SLC13A1: variants seen among roughly 807,000 people sequenced by gnomAD.
The protein encoded by SLC13A1 is Na(+)/sulfate cotransporter.
A neutral mutation model predicts 70.0 loss-of-function variants in SLC13A1; 65 were observed. The observed-to-expected ratio is 0.93, with a 90% CI of 0.76 to 1.14. SLC13A1 has a LOEUF of 1.14. SLC13A1 is among the 50% of genes most tolerant of loss of function. The pLI is 0.00. For synonymous variants in SLC13A1, 275 were observed against 250.5 expected (o/e 1.10, Z -0.92); for missense variants, 726 against 717.8 (o/e 1.01, Z -0.13).
chr7:123,136,930 T>C (rs1236193567), intron 7 of SLC13A1, among the ~76,000 whole-genome samples: 2 of 152,032 alleles, frequency 1.3e-5, no homozygotes, highest in African/African-American at 4.8e-5. Context: ...TAGGAATGAG[T>C]TTGTCACATT....
At chr7:123,134,267 T>C (rs545478496) in intron 8 of SLC13A1, 143 bp downstream of exon 8, 1 of 616,114 alleles carries the variant, frequency 1.6e-6, no homozygotes, top group African/African-American at 1.9e-5. Flanking sequence ...TTAAAATACG[T>C]ATTTGTGTGT....
In SLC13A1 at chr7:123,184,962, A is replaced by G. The variant is rs576619037; in HGVS notation, c.100-3861T>C. On this transcript the variant is annotated intron_variant, in intron 1 of 14. Transcript: ENST00000194130. ...AAACAGTGTTCACATCCTGGCCAACACTTGTTATAATAGCCATTCTAACAA... is the reference window on the plus strand; with the variant it reads ...AAACAGTGTTCACATCCTGGCCAACGCTTGTTATAATAGCCATTCTAACAA... Among the ~76,000 whole-genome samples the G allele has an allele frequency of 7.2e-5, 11 of 152,084 alleles. No homozygotes were observed. The South Asian group carries it at 2.1e-3, about 29-fold the overall frequency.
chr7:123,123,347 T>C (rs1793451058), intron 11 of SLC13A1, 112 bp from the exon 12 acceptor site: 1 of 661,598 alleles, frequency 1.5e-6, no homozygotes, highest in Admixed American at 2.2e-5. Flanking sequence ...TCCTATATTG[T>C]TTTTAAAGAG....
intron 1 of SLC13A1, among the ~76,000 whole-genome samples, chr7:123,197,511 A>C (rs567246347): frequency 7.2e-5 from 11 of 152,280 alleles, no homozygotes; most frequent in Admixed American, 1.3e-4. Flanking sequence ...TCTTTAAAAA[A>C]ATAATTTGCT....
intron 6 of SLC13A1, among the ~76,000 whole-genome samples, chr7:123,164,400 G>A (rs967158948): frequency 2.6e-5 from 4 of 151,636 alleles, no homozygotes; most frequent in Non-Finnish European, 5.9e-5. Context: ...GATCAGCTTA[G>A]ATTAATTTAA....
In SLC13A1 at chr7:123,115,616, C is replaced by G; in HGVS notation, c.1690G>C (p.Val564Leu). The G allele has an allele frequency of 1.2e-6, 2 of 1,613,870 alleles. No homozygotes were observed. The highest frequency in any genetic ancestry group is 1.7e-6 in the Non-Finnish European group (2 of 1,179,820). ...CAAGTACATATGCCAAGCATAACCA[C>G]AGCAACACCAACAATGTTGACACCA... The part of the protein sequence containing the change: ...GLGVNIVGVA[V>L]VMLGICTWIV... The change falls in exon 15 of 15, where the codon GTG becomes CTG. Residue 564 changes from valine to leucine, a missense_variant. Transcript: ENST00000194130.
chr7:123,167,370 T>C (rs899837489), intron 6 of SLC13A1, among the ~76,000 whole-genome samples: 12 of 152,288 alleles, frequency 7.9e-5, no homozygotes, highest in African/African-American at 2.9e-4. Flanking sequence ...CTTAATATAT[T>C]CTGTAGCTAA....
At chr7:123,182,912 G>A (rs1795685058) in intron 1 of SLC13A1, among the ~76,000 whole-genome samples, 1 of 152,038 alleles carries the variant, frequency 6.6e-6, no homozygotes, top group African/African-American at 2.4e-5. Flanking sequence ...TCCTCATTTT[G>A]CATTCAAACC....
chr7:123,135,555 T>G (rs902622308), intron 7 of SLC13A1, among the ~76,000 whole-genome samples: 6 of 152,162 alleles, frequency 3.9e-5, no homozygotes, highest in Non-Finnish European at 5.9e-5. Context: ...AAATATTGAT[T>G]TGCAATTTTT....
chr7:123,138,424 G>A (rs2462143), intron 7 of SLC13A1, among the ~76,000 whole-genome samples: 4,379 of 152,208 alleles, frequency 0.029, 206 homozygotes, highest in African/African-American at 0.1. Flanking sequence ...TTTCTTTTGG[G>A]TATATACCCT....
intron 12 of SLC13A1, among the ~76,000 whole-genome samples, chr7:123,120,145 G>A (rs1426178048): frequency 2.0e-5 from 3 of 151,904 alleles, no homozygotes; most frequent in Non-Finnish European, 4.4e-5. Flanking sequence ...CTATTCAACT[G>A]TTGTTGTTCT....
chr7:123,196,107 T>G lies in SLC13A1; in HGVS notation c.99+3741A>C, dbSNP rs139336582. 3.9e-4 allele frequency among the ~76,000 whole-genome samples: 60 copies of G among 152,172 alleles called. 1 individual carries two copies. The East Asian group carries it at 0.011, about 27-fold the overall frequency. ...GTTGCACATAGAATATTACTGAAAC[T>G]ATGTCAGTATATACTAGGCCAGTTT... On this transcript the variant is annotated intron_variant, in intron 1 of 14. Coordinates refer to ENST00000194130, the MANE Select transcript of SLC13A1 (RefSeq NM_022444.4).
Position 123,115,211 on chromosome 7 carries a change from T to C in SLC13A1, c.*307A>G, listed in dbSNP as rs1406866875. ...AACTCCAACTGTAAGATGAAACAAA[T>C]GCTCTAATCTCTTTGAAGGTCAAGT... On this transcript the variant is annotated 3_prime_UTR_variant, in exon 15 of 15. Transcript: ENST00000194130. 5.4e-6 allele frequency: 1 copy of C among 184,266 alleles called. No homozygotes were observed. The highest frequency in any genetic ancestry group is 2.3e-5 in the African/African-American group (1 of 42,818). The allele number at this position is 184,266 out of a possible 1,614,324, so 11.4% of individuals were successfully genotyped here.
At chr7:123,152,520 T>A (rs895288992) in intron 6 of SLC13A1, among the ~76,000 whole-genome samples, 1 of 152,128 alleles carries the variant, frequency 6.6e-6, no homozygotes, top group Non-Finnish European at 1.5e-5. Context: ...AGAAATGCCA[T>A]CTTCCATACA....
At chr7:123,139,802 C>G (rs1794069014) in intron 7 of SLC13A1, among the ~76,000 whole-genome samples, 2 of 151,944 alleles carry the variant, frequency 1.3e-5, no homozygotes, top group African/African-American at 2.4e-5. Flanking sequence ...TCAGTTCTAA[C>G]AGTTTTTTGG....
At chr7:123,193,970 A>T (rs1796085425) in intron 1 of SLC13A1, among the ~76,000 whole-genome samples, 1 of 151,978 alleles carries the variant, frequency 6.6e-6, no homozygotes, top group Non-Finnish European at 1.5e-5. Flanking sequence ...TCTCCTTCCT[A>T]TCAGGTCCAA....
At chr7:123,126,818 TG>T (rs1316358114) in intron 10 of SLC13A1, among the ~76,000 whole-genome samples, 1 of 152,108 alleles carries the variant, frequency 6.6e-6, no homozygotes, top group Non-Finnish European at 1.5e-5. Context: ...GTTGTATTTT[TG>T]GCAAATTGGG....
At chr7:123,183,768 T>C (rs900122396) in intron 1 of SLC13A1, among the ~76,000 whole-genome samples, 6 of 152,158 alleles carry the variant, frequency 3.9e-5, no homozygotes, top group African/African-American at 1.4e-4. Context: ...CTACATCCTT[T>C]TCCAGACCTT....
intron 6 of SLC13A1, among the ~76,000 whole-genome samples, chr7:123,160,900 TA>T (rs1262336622): frequency 1.3e-5 from 2 of 151,990 alleles, no homozygotes; most frequent in African/African-American, 4.8e-5. Flanking sequence ...GGAAAATAGC[TA>T]AAGTAATAGA....
Sources: gnomAD v4.1 joint callset for allele counts (sites outside exome capture counted in the v4.1 genomes callset) on GRCh38, gnomAD v4.1.1 for gene constraint, MANE v1.5 for transcripts, NCBI Gene and HGNC (gene_info 2026-07-23, HGNC 2026-07-21) for gene names.